The following REDIC1 variants were observed in gnomAD, a reference collection of about 807,000 sequenced individuals.
The protein encoded by REDIC1 is regulator of DNA class I crossover intermediates 1, also known as HEI10 Interacting Protein 1.
At chr12:39,844,486 AC>A in the REDIC1 span, among the ~76,000 whole-genome samples, 2 of 152,096 alleles carry the variant, frequency 1.3e-5, no homozygotes. Context: ...TTTAGTATAA[AC>A]TTTTCAGAGT....
the REDIC1 span, among the ~76,000 whole-genome samples, chr12:39,669,622 T>A: frequency 3.9e-5 from 6 of 152,236 alleles, no homozygotes; most frequent in Non-Finnish European, 7.3e-5. Context: ...TTCTGCTGCC[T>A]TTTGTTTGTC....
At chr12:39,737,351 C>G in the REDIC1 span, among the ~76,000 whole-genome samples, 1 of 152,192 alleles carries the variant, frequency 6.6e-6, no homozygotes, top group Non-Finnish European at 1.5e-5. Flanking sequence ...GCATTTCTTT[C>G]ACTTCATCTC....
At chr12:39,686,022 G>A in the REDIC1 span, among the ~76,000 whole-genome samples, 6 of 152,254 alleles carry the variant, frequency 3.9e-5, no homozygotes, top group African/African-American at 9.6e-5. Context: ...GCCTTGGGCA[G>A]CCCTGCCTCT....
the REDIC1 span, among the ~76,000 whole-genome samples, chr12:39,635,308 A>T: frequency 6.6e-6 from 1 of 152,196 alleles, no homozygotes; most frequent in Non-Finnish European, 1.5e-5. Flanking sequence ...TACCCAAAGG[A>T]TTATAAATCA....
the REDIC1 span, among the ~76,000 whole-genome samples, chr12:39,696,584 C>T: frequency 2.5e-4 from 17 of 67,204 alleles, no homozygotes; most frequent in South Asian, 5.5e-4. Flanking sequence ...AAAAAAATAA[C>T]GCACCAAGGA....
chr12:39,699,550 G>T, the REDIC1 span, among the ~76,000 whole-genome samples: 1 of 152,262 alleles, frequency 6.6e-6, no homozygotes, highest in African/African-American at 2.4e-5. Context: ...GCCCAGGCTT[G>T]CTTAGGTAAA....
chr12:39,874,936 G>A, the REDIC1 span, among the ~76,000 whole-genome samples: 2 of 152,312 alleles, frequency 1.3e-5, no homozygotes, highest in Admixed American at 6.5e-5. Flanking sequence ...AACAGTAAGG[G>A]GAGGAGCTGA....
the REDIC1 span, among the ~76,000 whole-genome samples, chr12:39,822,425 G>T: frequency 1.3e-5 from 2 of 151,996 alleles, no homozygotes; most frequent in Non-Finnish European, 2.9e-5. Flanking sequence ...TCTAAATAAG[G>T]CTCTTTAACC....
At chr12:39,888,168 C>T in the REDIC1 span, among the ~76,000 whole-genome samples, 1 of 152,004 alleles carries the variant, frequency 6.6e-6, no homozygotes, top group African/African-American at 2.4e-5. Context: ...TGCTGCCTGC[C>T]CAGTTCATGG....
chr12:39,730,378 G>A, the REDIC1 span, among the ~76,000 whole-genome samples: 209 of 152,266 alleles, frequency 1.4e-3, 3 homozygotes, highest in African/African-American at 4.8e-3. Context: ...TTCAGCATTT[G>A]CTTGTCTCTA....
the REDIC1 span, among the ~76,000 whole-genome samples, chr12:39,812,871 G>A: frequency 1.5e-5 from 2 of 135,658 alleles, no homozygotes; most frequent in African/African-American, 2.8e-5. Flanking sequence ...GTCTCACTCT[G>A]TCACCCAGGC....
the REDIC1 span, among the ~76,000 whole-genome samples, chr12:39,795,023 C>G: frequency 6.6e-6 from 1 of 152,120 alleles, no homozygotes. Flanking sequence ...TATTGTCTTA[C>G]TGCTGGGATG....
chr12:39,859,544 CAG>C, the REDIC1 span, among the ~76,000 whole-genome samples: 2 of 152,028 alleles, frequency 1.3e-5, no homozygotes, highest in Non-Finnish European at 2.9e-5. Context: ...CTTTTTAAGA[CAG>C]AGTCTCCCTC....
the REDIC1 span, among the ~76,000 whole-genome samples, chr12:39,882,376 C>T: frequency 2.0e-5 from 3 of 152,294 alleles, no homozygotes; most frequent in South Asian, 2.1e-4. Context: ...GCTACCATCA[C>T]GTTCATCATT....
At chr12:39,712,809 T>C in the REDIC1 span, among the ~76,000 whole-genome samples, 2 of 144,734 alleles carry the variant, frequency 1.4e-5, no homozygotes, top group Admixed American at 1.4e-4. Context: ...ATGTGTATAC[T>C]CGTATACATG....
the REDIC1 span, among the ~76,000 whole-genome samples, chr12:39,697,419 A>T: frequency 6.6e-6 from 1 of 152,246 alleles, no homozygotes; most frequent in Admixed American, 6.5e-5. Context: ...AAATCATCTG[A>T]AGGTACAAAA....
the REDIC1 span, among the ~76,000 whole-genome samples, chr12:39,681,784 A>G: frequency 2.6e-5 from 4 of 152,194 alleles, no homozygotes; most frequent in Non-Finnish European, 4.4e-5. Context: ...GGAACAGAGT[A>G]GGTGATCATC....
the REDIC1 span, among the ~76,000 whole-genome samples, chr12:39,837,883 A>G: frequency 6.6e-6 from 1 of 151,276 alleles, no homozygotes; most frequent in East Asian, 2.0e-4. Flanking sequence ...ACACTTTTAC[A>G]CTGTTGGTGG....
the REDIC1 span, among the ~76,000 whole-genome samples, chr12:39,713,049 ATATAC>A: frequency 6.9e-6 from 1 of 145,036 alleles, no homozygotes; most frequent in African/African-American, 2.6e-5. Context: ...ATACATGTGT[ATATAC>A]GTGTATATGT....
Sources: allele counts gnomAD v4.1 joint callset (sites outside exome capture counted in the v4.1 genomes callset), GRCh38; gene constraint gnomAD v4.1.1; transcripts MANE v1.5; gene names NCBI Gene and HGNC (gene_info 2026-07-23, HGNC 2026-07-21).